The following AOPEP variants were observed in gnomAD, a reference collection of about 807,000 sequenced individuals.
The protein encoded by AOPEP is aminopeptidase O.
In AOPEP, 77 loss-of-function variants were observed where a neutral mutation model predicts 98.1. That is an observed-to-expected ratio of 0.78 (90% CI 0.65 to 0.95). The LOEUF (loss-of-function observed/expected upper bound fraction) is 0.95. AOPEP is among the 40% of genes least tolerant of loss of function. AOPEP has a pLI of 0.00. For missense variants in AOPEP, 1,024 were observed against 1,024.7 expected, an observed-to-expected ratio of 1.00 and a Z score of 0.01; for synonymous variants, 346 against 365.3, an observed-to-expected ratio of 0.95 and a Z score of 0.60.
At chr9:94,871,980 C>T (rs1564295880) in intron 5 of AOPEP, among the ~76,000 whole-genome samples, 1 of 152,120 alleles carries the variant, frequency 6.6e-6, no homozygotes, top group Non-Finnish European at 1.5e-5. Flanking sequence ...TGCACTCCAG[C>T]CTGGGCAACA....
intron 5 of AOPEP, among the ~76,000 whole-genome samples, chr9:94,873,791 CT>C (rs1324038212): frequency 6.6e-5 from 10 of 151,846 alleles, no homozygotes; most frequent in African/African-American, 1.9e-4. Context: ...TTGTCTTATT[CT>C]TTGTTTCATC....
intron 9 of AOPEP, among the ~76,000 whole-genome samples, chr9:94,965,838 T>A (rs1022147601): frequency 9.2e-5 from 14 of 151,428 alleles, no homozygotes; most frequent in African/African-American, 2.7e-4. Context: ...GGCTTCGGTC[T>A]GCAGTTCGCT....
chr9:95,127,875 C>A, the AOPEP span, among the ~76,000 whole-genome samples: 2 of 152,198 alleles, frequency 1.3e-5, no homozygotes, highest in Non-Finnish European at 2.9e-5. Context: ...AGCTCTGCCA[C>A]TTTTTCAGGA....
At chr9:95,125,885 G>A in the AOPEP span, among the ~76,000 whole-genome samples, 1 of 152,170 alleles carries the variant, frequency 6.6e-6, no homozygotes, top group Non-Finnish European at 1.5e-5. Context: ...CTCCCCAGGG[G>A]CGTCCAGTCT....
intron 1 of AOPEP, among the ~76,000 whole-genome samples, chr9:94,729,480 A>G (rs1255908274): frequency 1.3e-5 from 2 of 151,686 alleles, no homozygotes; most frequent in East Asian, 3.9e-4. Flanking sequence ...GCTGAGATGG[A>G]AGGATTAGCT....
chr9:94,742,816 T>C (rs1833468729), intron 1 of AOPEP, among the ~76,000 whole-genome samples: 1 of 152,124 alleles, frequency 6.6e-6, no homozygotes, highest in African/African-American at 2.4e-5. Flanking sequence ...TAATTTTGTG[T>C]TTTTTTCTTT....
At chr9:94,788,657 C>T (rs1033358454) in intron 3 of AOPEP, among the ~76,000 whole-genome samples, 8 of 152,192 alleles carry the variant, frequency 5.3e-5, no homozygotes, top group African/African-American at 1.9e-4. Context: ...TCAGCTTCAC[C>T]ATAGACTGAT....
At chr9:95,133,782 C>T in the AOPEP span, among the ~76,000 whole-genome samples, 11 of 152,180 alleles carry the variant, frequency 7.2e-5, no homozygotes, top group Non-Finnish European at 1.5e-4. Flanking sequence ...AAACTGAAAT[C>T]CTAGTATGCA....
At chr9:94,943,023 T>C (rs2057194718) in intron 7 of AOPEP, among the ~76,000 whole-genome samples, 1 of 148,040 alleles carries the variant, frequency 6.8e-6, no homozygotes, top group African/African-American at 2.5e-5. Context: ...ACAGAAAAAA[T>C]GTAGATGTAA....
intron 7 of AOPEP, chr9:94,931,872 CTG>C (rs2055370151): frequency 1.5e-6 from 2 of 1,342,200 alleles, no homozygotes; most frequent in Non-Finnish European, 2.0e-6. Context: ...CCCTCTGCCT[CTG>C]TGGCCAGTCC....
intron 5 of AOPEP, among the ~76,000 whole-genome samples, chr9:94,822,979 A>G (rs1588402671): frequency 7.5e-6 from 1 of 133,686 alleles, no homozygotes; most frequent in Admixed American, 8.0e-5. Context: ...AATTTCACTC[A>G]CCTGTCCCCT....
At chr9:95,067,497 C>T (rs2068031070) in intron 14 of AOPEP, among the ~76,000 whole-genome samples, 2 of 152,168 alleles carry the variant, frequency 1.3e-5, no homozygotes, top group Non-Finnish European at 2.9e-5. Context: ...GAAGCAAATG[C>T]CCAGGCTGGG....
At chr9:95,051,706 C>CTT (rs35555702) in intron 13 of AOPEP, among the ~76,000 whole-genome samples, 15 of 142,792 alleles carry the variant, frequency 1.1e-4, no homozygotes, top group African/African-American at 1.3e-4. Context: ...GTTTATGAAA[C>CTT]TTTTTTTTTT....
At chr9:94,904,095 C>T (rs1471133087) in intron 5 of AOPEP, 1 of 152,014 alleles carries the variant, frequency 6.6e-6, no homozygotes, top group Non-Finnish European at 1.5e-5. Flanking sequence ...GAATAGTGTC[C>T]TTTGCTGCAT....
At chr9:94,799,913 T>C (rs1292432844) in intron 4 of AOPEP, among the ~76,000 whole-genome samples, 1 of 151,906 alleles carries the variant, frequency 6.6e-6, no homozygotes, top group Non-Finnish European at 1.5e-5. Flanking sequence ...TTTTTCATTG[T>C]GTTTGAATAA....
Position 94,809,662 on chromosome 9 carries a change from T to C in AOPEP, c.1364+8660T>C, listed in dbSNP as rs569785617. Among the ~76,000 whole-genome samples the C allele has an allele frequency of 3.9e-5, 6 of 152,382 alleles. No individual in the cohort carries two copies. The East Asian group carries it at 1.2e-3, about 29-fold the overall frequency. On this transcript the variant is annotated intron_variant, in intron 5 of 16. Transcript: ENST00000375315. ...CAGGAGGCCCCCATGCTTTTCTGTTTATAGACCTCTTTTTGAGCAATTACC... is the reference window on the plus strand; with the variant it reads ...CAGGAGGCCCCCATGCTTTTCTGTTCATAGACCTCTTTTTGAGCAATTACC...
In AOPEP at chr9:95,036,839, A is replaced by T. The variant is rs543153860; in HGVS notation, c.2116-23855A>T. 4.6e-5 allele frequency among the ~76,000 whole-genome samples: 7 copies of T among 152,026 alleles called. No homozygotes were observed. In the East Asian group the frequency reaches 7.8e-4, roughly 17 times the overall value. The stretch of plus-strand genomic sequence containing the variant: ...CTGAAGGGACTGTGGGTTTTTAGAG[A>T]TCTTTTCATCTTGTCAGTCTTCCAG... On this transcript the variant is annotated intron_variant, in intron 13 of 16. Coordinates refer to ENST00000375315, the MANE Select transcript of AOPEP (RefSeq NM_001193329.3).
intron 14 of AOPEP, 200 bp downstream of exon 14, chr9:95,061,010 T>G: frequency 2.1e-6 from 1 of 481,554 alleles, no homozygotes; most frequent in Non-Finnish European, 3.7e-6. Context: ...GTCTTAAGTT[T>G]TTCCCTCTTC....
At chr9:94,822,005 A>ACG (rs1291264136) in intron 5 of AOPEP, among the ~76,000 whole-genome samples, 2 of 148,892 alleles carry the variant, frequency 1.3e-5, no homozygotes, top group Non-Finnish European at 3.0e-5. Flanking sequence ...ACACACACAC[A>ACG]CACACACGCA....
Sources: allele counts gnomAD v4.1 joint callset (sites outside exome capture counted in the v4.1 genomes callset), GRCh38; gene constraint gnomAD v4.1.1; transcripts MANE v1.5; gene names NCBI Gene and HGNC (gene_info 2026-07-23, HGNC 2026-07-21).